Variants in LNX1 observed in about 807,000 individuals in gnomAD.
The protein encoded by LNX1 is E3 ubiquitin-protein ligase LNX.
In LNX1, 54 loss-of-function variants were observed where a neutral mutation model predicts 68.4. The ratio of observed to expected loss-of-function variants is 0.79; its 90% CI spans 0.63 to 0.99. LNX1 has a LOEUF of 0.99. Among genes scored for constraint, LNX1 ranks in the 50% least tolerant of loss-of-function variants. LNX1 has a pLI of 0.00. For synonymous variants in LNX1, 336 were observed against 350.0 expected (o/e 0.96, Z 0.45); for missense variants, 906 against 926.4 (o/e 0.98, Z 0.29).
chr4:53,615,335 C>T lies in LNX1; in HGVS notation c.-215+1182G>A, dbSNP rs78313591. On this transcript the variant is annotated intron_variant, in intron 2 of 3. Transcript: ENST00000504299. The stretch of plus-strand genomic sequence containing the variant: ...GGAGGCAGGGAGTATTTCTTACTCC[C>T]GTGAATCTACCTGGGCTGGCTTTGG... 8.8e-3 allele frequency among the ~76,000 whole-genome samples: 1,342 copies of T among 152,202 alleles called. 18 individuals carry two copies. The highest frequency in any genetic ancestry group is 0.031 in the African/African-American group (1,267 of 41,522).
At chr4:53,478,086 T>G (rs187384394) in intron 8 of LNX1, among the ~76,000 whole-genome samples, 19 of 152,332 alleles carry the variant, frequency 1.2e-4, no homozygotes, top group African/African-American at 4.6e-4. Flanking sequence ...GAGCTTAAAG[T>G]AGTGAAATAA....
At chr4:53,592,943 G>A (rs1206512834), upstream of LNX1, 1 of 152,146 alleles carries the variant, frequency 6.6e-6, no homozygotes, top group Non-Finnish European at 1.5e-5. Flanking sequence ...TCCTGTCCCC[G>A]ATCCGCCCCA....
intron 6 of LNX1, among the ~76,000 whole-genome samples, chr4:53,484,519 T>C (rs1052843555): frequency 2.0e-5 from 3 of 150,918 alleles, no homozygotes; most frequent in Admixed American, 2.0e-4. Context: ...ACCGAGATTG[T>C]GGCACTGCAC....
chr4:53,569,201 C>T lies in LNX1; in HGVS notation c.380+4422G>A, dbSNP rs539046617. Among the ~76,000 whole-genome samples, 338 of 152,214 alleles carry T rather than the reference C, an allele frequency of 2.2e-3. 2 individuals are homozygous for T. The highest frequency in any genetic ancestry group is 7.8e-3 in the African/African-American group (324 of 41,526). Reference sequence around the variant, plus strand: ...TGGAACCAAAAAAGAGCCCCCATTGCCAAGTCAATCCTAAGCCAAAGGAAC... The same window carrying T: ...TGGAACCAAAAAAGAGCCCCCATTGTCAAGTCAATCCTAAGCCAAAGGAAC... On this transcript the variant is annotated intron_variant, in intron 2 of 10. Coordinates refer to ENST00000263925, the MANE Select transcript of LNX1 (RefSeq NM_001126328.3).
chr4:53,574,979 T>C (rs892428277), intron 1 of LNX1, among the ~76,000 whole-genome samples: 1 of 107,716 alleles, frequency 9.3e-6, no homozygotes, highest in African/African-American at 3.2e-5. Context: ...CATTAGATAT[T>C]TCGTTTTTTT....
chr4:53,575,266 G>GC (rs1166557745), intron 1 of LNX1, among the ~76,000 whole-genome samples: 1 of 152,194 alleles, frequency 6.6e-6, no homozygotes, highest in African/African-American at 2.4e-5. Context: ...ACAGGTGTGA[G>GC]CCCCCATGCC....
chr4:53,623,032 ATAACT>A (rs1453179537), intron 1 of LNX1, among the ~76,000 whole-genome samples: 2 of 152,138 alleles, frequency 1.3e-5, no homozygotes, highest in Admixed American at 1.3e-4. Context: ...AAGAGCTTTA[ATAACT>A]TAACTTAGCT....
At position 53,459,316 on chromosome 4, in the gene LNX1, G is replaced by A. The variant is rs1399209287; in HGVS notation, c.*1591C>T. 6.1e-6 allele frequency: 9 copies of A among 1,479,250 alleles called. No homozygotes were observed. Among genetic ancestry groups the A allele is most frequent in the South Asian group, 2.4e-5 (2 of 83,162 alleles). 91.6% of individuals were successfully genotyped at this position (1,479,250 alleles called of 1,614,324 possible). A position where few individuals can be genotyped will look rare whatever the true frequency, so the allele number is the denominator to read the frequency against. ...TTTTTTTCCAGTAATAGTAGACGTC[G>A]CCATGAAAGTGAAGAAGGAGATAGT... On this transcript the variant is annotated 3_prime_UTR_variant, in exon 11 of 11. Coordinates refer to ENST00000263925, the MANE Select transcript of LNX1 (RefSeq NM_001126328.3).
intron 1 of LNX1, among the ~76,000 whole-genome samples, chr4:53,588,891 T>C (rs545263335): frequency 6.6e-6 from 1 of 152,278 alleles, no homozygotes; most frequent in African/African-American, 2.4e-5. Flanking sequence ...TCATATGCAA[T>C]GACTCAAGGT....
chr4:53,473,320 C>G (rs763692898), intron 9 of LNX1, among the ~76,000 whole-genome samples: 2 of 152,080 alleles, frequency 1.3e-5, no homozygotes, highest in Non-Finnish European at 2.9e-5. Flanking sequence ...ATTGAAAACA[C>G]AGTGAGCATT....
intron 2 of LNX1, among the ~76,000 whole-genome samples, chr4:53,544,439 C>A (rs1728961172): frequency 6.6e-6 from 1 of 151,852 alleles, no homozygotes; most frequent in Non-Finnish European, 1.5e-5. Flanking sequence ...AGGTGATCCA[C>A]CCCTTCGGCC....
chr4:53,567,121 A>G (rs1349318718), intron 2 of LNX1, among the ~76,000 whole-genome samples: 8 of 142,616 alleles, frequency 5.6e-5, no homozygotes, highest in African/African-American at 2.1e-4. Flanking sequence ...CCAGGAATTG[A>G]ACTCAGCTCT....
At chr4:53,472,231 G>T (rs1579364909) in intron 9 of LNX1, among the ~76,000 whole-genome samples, 1 of 152,144 alleles carries the variant, frequency 6.6e-6, no homozygotes, top group South Asian at 2.1e-4. Context: ...GCAAACTATT[G>T]CAAGGACAAA....
At chr4:53,636,939 T>TTCCC (rs1734501826) in intron 1 of LNX1, among the ~76,000 whole-genome samples, 2 of 151,182 alleles carry the variant, frequency 1.3e-5, no homozygotes, top group African/African-American at 4.9e-5. Context: ...AGACCGCAGG[T>TTCCC]TCCCTCCCTC....
chr4:53,600,951 G>C (rs1268231413), intron 2 of LNX1, among the ~76,000 whole-genome samples: 1 of 148,762 alleles, frequency 6.7e-6, no homozygotes, highest in African/African-American at 2.5e-5. Flanking sequence ...GGCAGTGGGC[G>C]CCTGTAATCC....
At position 53,501,299 on chromosome 4, in the gene LNX1, T is replaced by TTTGGGGGGGG. The variant is rs56165716; in HGVS notation, c.776-2457_776-2456insCCCCCCCCAA. ...TAATAATCTTTTTTTTTTTTTTTTT[T>TTTGGGGGGGG]GGGGGTGGGGGGACAGGATCTCACT... On this transcript the variant is annotated intron_variant, in intron 4 of 10. Coordinates refer to ENST00000263925, the MANE Select transcript of LNX1 (RefSeq NM_001126328.3). Among the ~76,000 whole-genome samples the TTTGGGGGGGG allele has an allele frequency of 5.7e-4, 22 of 38,774 alleles. 2 individuals are homozygous for TTTGGGGGGGG. The highest frequency in any genetic ancestry group is 1.2e-3 in the Non-Finnish European group (17 of 14,376). 25.4% of individuals were successfully genotyped at this position (38,774 alleles called of 152,430 possible). A position where few individuals can be genotyped will look rare whatever the true frequency, so the allele number is the denominator to read the frequency against.
chr4:53,612,681 T>A (rs1165533318), intron 2 of LNX1, among the ~76,000 whole-genome samples: 1 of 148,698 alleles, frequency 6.7e-6, no homozygotes, highest in African/African-American at 2.5e-5. Context: ...ATCAGCTGGG[T>A]ATGGTATGCC....
intron 2 of LNX1, among the ~76,000 whole-genome samples, chr4:53,527,965 C>T (rs1577665166): frequency 6.6e-6 from 1 of 152,156 alleles, no homozygotes. Context: ...CTTCATTCAC[C>T]CACAAACTAA....
chr4:53,529,143 GCA>G (rs1325628072), intron 2 of LNX1, among the ~76,000 whole-genome samples: 1 of 64,236 alleles, frequency 1.6e-5, no homozygotes, highest in Non-Finnish European at 4.1e-5. Flanking sequence ...ACAAACACAT[GCA>G]CACACAGAAA....
Sources: allele counts gnomAD v4.1 joint callset (sites outside exome capture counted in the v4.1 genomes callset), GRCh38; gene constraint gnomAD v4.1.1; transcripts MANE v1.5; gene names NCBI Gene and HGNC (gene_info 2026-07-23, HGNC 2026-07-21).